KCNK2: variants seen among roughly 807,000 people sequenced by gnomAD.
The protein encoded by KCNK2 is potassium channel subfamily K member 2.
KCNK2 carries 21 observed loss-of-function variants against 40.5 expected under a neutral mutation model. The ratio of observed to expected loss-of-function variants is 0.52; its 90% CI spans 0.37 to 0.75. The LOEUF is 0.75. KCNK2 is among the 30% of genes least tolerant of loss of function. The pLI, the probability that KCNK2 is intolerant of heterozygous loss-of-function variation, is 0.00. For synonymous variants in KCNK2, 191 were observed against 202.2 expected (o/e 0.94, Z 0.47); for missense variants, 399 against 531.6 (o/e 0.75, Z 2.45).
intron 5 of KCNK2, among the ~76,000 whole-genome samples, chr1:215,184,561 C>A (rs1334912651): frequency 1.3e-5 from 2 of 152,102 alleles, no homozygotes; most frequent in African/African-American, 4.8e-5. Flanking sequence ...GGGGAGGCCT[C>A]AGGAAACTTA....
chr1:215,016,936 G>T (rs1241948835), intron 1 of KCNK2, among the ~76,000 whole-genome samples: 1 of 152,106 alleles, frequency 6.6e-6, no homozygotes, highest in Non-Finnish European at 1.5e-5. Flanking sequence ...AATGGGCAAA[G>T]GACCTGAGTA....
intron 1 of KCNK2, among the ~76,000 whole-genome samples, chr1:215,077,579 G>T (rs1226368275): frequency 6.6e-6 from 1 of 151,902 alleles, no homozygotes; most frequent in Non-Finnish European, 1.5e-5. Context: ...TTTCTTCTGC[G>T]ATGAAAATTC....
At chr1:215,032,538 A>G (rs559668734) in intron 1 of KCNK2, among the ~76,000 whole-genome samples, 3 of 152,274 alleles carry the variant, frequency 2.0e-5, no homozygotes, top group African/African-American at 7.2e-5. Context: ...TCTTCTCTCT[A>G]AAATACTTCT....
At chr1:215,182,220 A>T (rs1664248376) in intron 5 of KCNK2, among the ~76,000 whole-genome samples, 1 of 152,102 alleles carries the variant, frequency 6.6e-6, no homozygotes, top group Non-Finnish European at 1.5e-5. Context: ...TGGAGCAGAG[A>T]GGGCCCCACT....
intron 6 of KCNK2, among the ~76,000 whole-genome samples, chr1:215,209,341 ATATATATAT>A: frequency 1.1e-5 from 1 of 91,480 alleles, no homozygotes; most frequent in South Asian, 2.9e-4. Context: ...TATATATATA[ATATATATAT>A]TATATATAAT....
At chr1:215,086,337 C>G (rs1398606183) in intron 1 of KCNK2, 31 bp from the exon 2 acceptor site, 1 of 1,582,208 alleles carries the variant, frequency 6.3e-7, no homozygotes, top group East Asian at 2.2e-5. Context: ...TCATCTCCTC[C>G]AACCTAACCC....
At chr1:215,035,113 A>G (rs1657339936) in intron 1 of KCNK2, among the ~76,000 whole-genome samples, 1 of 152,082 alleles carries the variant, frequency 6.6e-6, no homozygotes, top group Non-Finnish European at 1.5e-5. Context: ...GTTTGTATAC[A>G]CATAATTTTG....
intron 2 of KCNK2, among the ~76,000 whole-genome samples, chr1:215,095,324 T>C (rs1032660062): frequency 3.3e-5 from 5 of 152,100 alleles, no homozygotes; most frequent in African/African-American, 1.2e-4. Flanking sequence ...CTTAGACAGT[T>C]ATACAGGAAT....
intron 1 of KCNK2, among the ~76,000 whole-genome samples, chr1:215,055,594 T>G (rs1658130708): frequency 6.6e-6 from 1 of 152,218 alleles, no homozygotes; most frequent in Admixed American, 6.5e-5. Context: ...CAGCTTCCTA[T>G]ATTCTTTAAG....
intron 2 of KCNK2, 147 bp downstream of exon 2, chr1:215,086,825 C>A: frequency 1.5e-6 from 1 of 671,402 alleles, no homozygotes. Context: ...CTCTTTTCCC[C>A]AGTTTCTTTG....
At chr1:215,167,242 A>C (rs1201057026) in intron 3 of KCNK2, among the ~76,000 whole-genome samples, 1 of 152,130 alleles carries the variant, frequency 6.6e-6, no homozygotes, top group Non-Finnish European at 1.5e-5. Flanking sequence ...AGCCACAAGG[A>C]AAATCTCAAT....
intron 6 of KCNK2, among the ~76,000 whole-genome samples, chr1:215,221,796 A>T (rs6690720): frequency 0.98 from 148,722 of 152,356 alleles, 72,693 homozygotes; most frequent in East Asian, 1. Context: ...GTGTATGAAA[A>T]TTTATCTAAG....
chr1:215,160,176 C>T (rs1253129635), intron 3 of KCNK2, among the ~76,000 whole-genome samples: 2 of 152,030 alleles, frequency 1.3e-5, no homozygotes, highest in South Asian at 2.1e-4. Flanking sequence ...TGTTAATTTT[C>T]CTGAATTTGA....
chr1:215,007,181 G>GTATATGTATA lies in KCNK2; in HGVS notation c.34+1227_34+1228insATATGTATAT, dbSNP rs1656198065. 4.7e-5 allele frequency among the ~76,000 whole-genome samples: 3 copies of GTATATGTATA among 64,432 alleles called. No homozygotes were observed. The South Asian group carries it at 1.9e-3, about 41-fold the overall frequency. The allele number at this position is 64,432 out of a possible 152,430, so 42.3% of individuals were successfully genotyped here. A position where few individuals can be genotyped will look rare whatever the true frequency, so the allele number is the denominator to read the frequency against. On this transcript the variant is annotated intron_variant, in intron 1 of 6. Coordinates refer to the KCNK2 transcript ENST00000391895. ...TGTATGTATATATATATGTATGTGT[G>GTATATGTATA]TGGGTATATATATATATATATATAT... is the stretch of plus-strand genomic sequence containing the variant.
intron 1 of KCNK2, among the ~76,000 whole-genome samples, chr1:215,039,071 A>G (rs1289375746): frequency 6.6e-6 from 1 of 152,094 alleles, no homozygotes; most frequent in East Asian, 1.9e-4. Context: ...TACTATTTGT[A>G]CCTGAAAGAA....
chr1:215,171,259 TG>T (rs1663699105), intron 4 of KCNK2, among the ~76,000 whole-genome samples: 1 of 152,138 alleles, frequency 6.6e-6, no homozygotes, highest in Non-Finnish European at 1.5e-5. Context: ...ATTTTTTTAC[TG>T]GAGAAGGAGT....
At chr1:215,085,770 C>T (rs552049196) in intron 1 of KCNK2, among the ~76,000 whole-genome samples, 4 of 152,238 alleles carry the variant, frequency 2.6e-5, no homozygotes, top group South Asian at 2.1e-4. Context: ...AGACAAGATT[C>T]GACCATCGAG....
At chr1:215,228,253 C>T (rs1454167256) in intron 6 of KCNK2, among the ~76,000 whole-genome samples, 1 of 152,054 alleles carries the variant, frequency 6.6e-6, no homozygotes, top group African/African-American at 2.4e-5. Context: ...AAAATTGACC[C>T]GAACAGTGAG....
chr1:215,103,527 A>G (rs1215141182), intron 2 of KCNK2, among the ~76,000 whole-genome samples: 2 of 152,056 alleles, frequency 1.3e-5, no homozygotes, highest in African/African-American at 4.8e-5. Flanking sequence ...CTCTCTGGTT[A>G]ACGAGTTCCA....
Sources: allele counts gnomAD v4.1 joint callset (sites outside exome capture counted in the v4.1 genomes callset), GRCh38; gene constraint gnomAD v4.1.1; transcripts MANE v1.5; gene names NCBI Gene and HGNC (gene_info 2026-07-23, HGNC 2026-07-21).